Variants in COMMD1 observed in about 807,000 individuals in gnomAD.
COMMD1 encodes COMM domain-containing protein 1.
In COMMD1, 10 loss-of-function variants were observed where a neutral mutation model predicts 17.2. That is an observed-to-expected ratio of 0.58 (90% CI 0.36 to 0.99). COMMD1 has a LOEUF of 0.99. Ranked by LOEUF, COMMD1 falls within the 50% of genes least tolerant of loss-of-function variation. COMMD1 has a pLI of 0.01. For missense variants in COMMD1, 270 were observed against 231.8 expected (o/e 1.17, Z -1.07); for synonymous variants, 97 against 91.6 (o/e 1.06, Z -0.34).
chr2:62,098,289 G>A lies in COMMD1; in HGVS notation c.463-37542G>A, dbSNP rs149441151. On this transcript the variant is annotated intron_variant, in intron 2 of 2. Coordinates refer to ENST00000311832, the MANE Select transcript of COMMD1 (RefSeq NM_152516.4). ...TTCTCCTGCCTCAGCCTCCCGAGTA[G>A]CTGGGATTACAGGCATGCGCCACCA... Among the ~76,000 whole-genome samples, 174 of 151,500 alleles carry A rather than the reference G, an allele frequency of 1.1e-3. 4 individuals are homozygous for A. In the East Asian group the frequency reaches 0.031, roughly 27 times the overall value.
intron 1 of COMMD1, among the ~76,000 whole-genome samples, chr2:61,975,780 C>T (rs1671785335): frequency 6.6e-6 from 1 of 151,902 alleles, no homozygotes; most frequent in African/African-American, 2.4e-5. Context: ...GTTTTTCAGC[C>T]ATCTTTCTGT....
At chr2:62,054,283 T>G (rs1315881432) in intron 2 of COMMD1, among the ~76,000 whole-genome samples, 1 of 152,180 alleles carries the variant, frequency 6.6e-6, no homozygotes, top group African/African-American at 2.4e-5. Context: ...CAAGATAGTA[T>G]GAAGTTATCT....
chr2:62,052,178 C>T (rs996855294), intron 2 of COMMD1, among the ~76,000 whole-genome samples: 4 of 152,148 alleles, frequency 2.6e-5, no homozygotes, highest in Non-Finnish European at 4.4e-5. Flanking sequence ...TGGCCCAGCA[C>T]GGTGGCTCAT....
chr2:62,025,723 C>A (rs897053293), intron 2 of COMMD1, among the ~76,000 whole-genome samples: 2 of 152,176 alleles, frequency 1.3e-5, no homozygotes, highest in Admixed American at 1.3e-4. Flanking sequence ...GAGTGTCGCT[C>A]TGTCACCCAG....
At chr2:61,930,220 G>T (rs1670427264) in intron 1 of COMMD1, among the ~76,000 whole-genome samples, 1 of 152,098 alleles carries the variant, frequency 6.6e-6, no homozygotes, top group Admixed American at 6.5e-5. Flanking sequence ...AACCTCTTTT[G>T]CTCTGGCATC....
intron 1 of COMMD1, among the ~76,000 whole-genome samples, chr2:61,985,374 T>G (rs1315963251): frequency 6.6e-6 from 1 of 152,238 alleles, no homozygotes; most frequent in South Asian, 2.1e-4. Context: ...ATAGGTGAAG[T>G]GTGTTTCTTT....
At chr2:61,938,944 C>G (rs1322379242) in intron 1 of COMMD1, among the ~76,000 whole-genome samples, 5 of 152,098 alleles carry the variant, frequency 3.3e-5, no homozygotes, top group Non-Finnish European at 5.9e-5. Context: ...CTGGTACTCT[C>G]TAGAGGATTA....
intron 2 of COMMD1, among the ~76,000 whole-genome samples, chr2:62,110,777 A>G (rs1672435333): frequency 6.6e-6 from 1 of 152,160 alleles, no homozygotes; most frequent in Non-Finnish European, 1.5e-5. Flanking sequence ...ACAAGTTCTT[A>G]TCTGGGACAC....
At chr2:62,041,097 A>T (rs1670180928) in intron 2 of COMMD1, among the ~76,000 whole-genome samples, 1 of 152,212 alleles carries the variant, frequency 6.6e-6, no homozygotes. Context: ...AGTCCATGCC[A>T]CCAGAAACTT....
At chr2:62,036,206 T>G (rs902551326) in intron 2 of COMMD1, among the ~76,000 whole-genome samples, 1 of 150,344 alleles carries the variant, frequency 6.7e-6, no homozygotes, top group Non-Finnish European at 1.5e-5. Context: ...ACCTTCTATT[T>G]GCTATGATTG....
At chr2:61,986,061 G>A (rs2103765994) in intron 1 of COMMD1, among the ~76,000 whole-genome samples, 1 of 152,150 alleles carries the variant, frequency 6.6e-6, no homozygotes, top group East Asian at 1.9e-4. Context: ...GACAGGTCTG[G>A]TGTTGATGAA....
At chr2:61,892,929 G>A (rs1023014627) in intron 1 of COMMD1, among the ~76,000 whole-genome samples, 8 of 151,610 alleles carry the variant, frequency 5.3e-5, no homozygotes, top group Non-Finnish European at 7.4e-5. Context: ...GTGCAGTGGC[G>A]CAATCTCAGC....
chr2:61,922,491 A>G (rs966461233), intron 1 of COMMD1, among the ~76,000 whole-genome samples: 9 of 151,956 alleles, frequency 5.9e-5, no homozygotes, highest in African/African-American at 1.7e-4. Context: ...CTAATTTTGT[A>G]TTTTTAGTAG....
intron 2 of COMMD1, among the ~76,000 whole-genome samples, chr2:62,046,528 ATAC>A (rs1379075402): frequency 6.6e-6 from 1 of 152,242 alleles, no homozygotes; most frequent in African/African-American, 2.4e-5. Context: ...TGTTCATTAT[ATAC>A]TACTATTTTC....
chr2:62,080,593 G>C (rs1388998056), intron 2 of COMMD1, among the ~76,000 whole-genome samples: 1 of 152,048 alleles, frequency 6.6e-6, no homozygotes, highest in African/African-American at 2.4e-5. Context: ...GAACTCTCAA[G>C]TAAATTTTAT....
intron 2 of COMMD1, among the ~76,000 whole-genome samples, chr2:62,027,932 C>G (rs2103869565): frequency 6.6e-6 from 1 of 152,206 alleles, no homozygotes; most frequent in Non-Finnish European, 1.5e-5. Flanking sequence ...GAATTACAGC[C>G]ATAAGCCACC....
chr2:62,122,440 T>A (rs1672774064), intron 2 of COMMD1, among the ~76,000 whole-genome samples: 1 of 60,154 alleles, frequency 1.7e-5, no homozygotes, highest in Non-Finnish European at 3.3e-5. Flanking sequence ...AGTTTCTTTC[T>A]TTTCTTTTTT....
intron 2 of COMMD1, among the ~76,000 whole-genome samples, chr2:62,099,696 G>A (rs866269726): frequency 7.9e-5 from 12 of 151,776 alleles, no homozygotes; most frequent in South Asian, 2.1e-4. Context: ...ACCCTCTTAC[G>A]TGTCTCAGTT....
chr2:61,987,931 G>C (rs1672147954), intron 1 of COMMD1, among the ~76,000 whole-genome samples: 1 of 152,158 alleles, frequency 6.6e-6, no homozygotes, highest in African/African-American at 2.4e-5. Context: ...CCAGGCAGGA[G>C]AGCCTCTGCC....
Sources: allele counts gnomAD v4.1 joint callset (sites outside exome capture counted in the v4.1 genomes callset), GRCh38; gene constraint gnomAD v4.1.1; transcripts MANE v1.5; gene names NCBI Gene and HGNC (gene_info 2026-07-23, HGNC 2026-07-21).